LRP2: variants seen among roughly 807,000 people sequenced by gnomAD.
The protein encoded by LRP2 is LDL receptor related protein 2, also known as low-density lipoprotein receptor-related protein 2.
A neutral mutation model predicts 531.0 loss-of-function variants in LRP2; 172 were observed. The ratio of observed to expected loss-of-function variants is 0.32; its 90% CI spans 0.29 to 0.37. The LOEUF (loss-of-function observed/expected upper bound fraction) is 0.37. Among genes scored for constraint, LRP2 ranks in the 10% least tolerant of loss-of-function variants. The pLI is 1.00. For synonymous variants in LRP2, 1,992 were observed against 2,027.6 expected, an observed-to-expected ratio of 0.98 and a Z score of 0.47; for missense variants, 5,167 against 5,868.3, an observed-to-expected ratio of 0.88 and a Z score of 3.90.
chr2:169,356,432 A>G, intron 1 of LRP2, among the ~76,000 whole-genome samples: 1 of 152,228 alleles, frequency 6.6e-6, no homozygotes, highest in Non-Finnish European at 1.5e-5. Flanking sequence ...GGTAATAATG[A>G]TGAATGGAAA....
At chr2:169,140,845 T>C (rs1447022741) in intron 71 of LRP2, among the ~76,000 whole-genome samples, 5 of 152,232 alleles carry the variant, frequency 3.3e-5, no homozygotes, top group African/African-American at 1.2e-4. Context: ...AATAATCTCT[T>C]AAAATATTCA....
chr2:169,331,946 C>G (rs192672593), intron 1 of LRP2, among the ~76,000 whole-genome samples: 79 of 152,292 alleles, frequency 5.2e-4, no homozygotes, highest in African/African-American at 1.7e-3. Context: ...TTTAGAAAGG[C>G]AGCTTTCTTG....
chr2:169,140,672 C>A, intron 71 of LRP2, 127 bp from the exon 72 acceptor site: 1 of 673,644 alleles, frequency 1.5e-6, no homozygotes, highest in South Asian at 1.7e-5. Flanking sequence ...CCTGTCAAAG[C>A]TTACCTTCCC....
chr2:169,188,828 C>T (rs953837572), intron 48 of LRP2, among the ~76,000 whole-genome samples: 1 of 152,116 alleles, frequency 6.6e-6, no homozygotes, highest in Admixed American at 6.5e-5. Context: ...TCTAAGAACA[C>T]ATATCTTCCC....
At chr2:169,156,214 T>C in intron 65 of LRP2, 60 bp downstream of exon 65, 1 of 1,605,928 alleles carries the variant, frequency 6.2e-7, no homozygotes, top group South Asian at 1.1e-5. Context: ...CATCGTATAG[T>C]GTACTTAGCA....
chr2:169,280,520 CT>C lies in LRP2; in HGVS notation c.1172-2del. On this transcript the variant is annotated splice_acceptor_variant, in intron 10 of 78. Transcript: ENST00000649046. LOFTEE classifies it high-confidence loss of function. ...GAGAAGATAATGGAGGCCTCGCCAA[CT>C]AAATGCGAAGAAGGAAGGCATCACC... 1 of 1,613,992 alleles carries C rather than the reference CT, an allele frequency of 6.2e-7. No homozygotes were observed. The highest frequency in any genetic ancestry group is 8.5e-7 in the Non-Finnish European group (1 of 1,179,978).
chr2:169,247,329 T>C lies in LRP2; in HGVS notation c.2908+49A>G, dbSNP rs749831837. 1.3e-5 allele frequency: 21 copies of C among 1,602,460 alleles called. No individual in the cohort carries two copies. In the South Asian group the frequency reaches 2.0e-4, roughly 15 times the overall value. On this transcript the variant is annotated intron_variant, in intron 20 of 78. Transcript: ENST00000649046. The stretch of plus-strand genomic sequence containing the variant: ...AGAGAACAGGAGCCACTGTAACAAA[T>C]AAATAAACCCATACAAAAAAATAAA...
At chr2:169,257,670 T>C (rs1690358363) in intron 17 of LRP2, among the ~76,000 whole-genome samples, 2 of 152,192 alleles carry the variant, frequency 1.3e-5, no homozygotes, top group Admixed American at 1.3e-4. Context: ...CTAGTCATTC[T>C]TCCATAAGGA....
At chr2:169,238,841 C>G (rs1689700724) in intron 26 of LRP2, among the ~76,000 whole-genome samples, 1 of 152,124 alleles carries the variant, frequency 6.6e-6, no homozygotes, top group African/African-American at 2.4e-5. Flanking sequence ...TTGGAGTGAC[C>G]ACATGACTAA....
intron 4 of LRP2, among the ~76,000 whole-genome samples, chr2:169,300,771 G>T (rs953768860): frequency 2.0e-5 from 3 of 151,980 alleles, no homozygotes; most frequent in Non-Finnish European, 2.9e-5. Flanking sequence ...TTGGAGAGTC[G>T]CCTGCTTCTT....
intron 1 of LRP2, among the ~76,000 whole-genome samples, chr2:169,326,866 C>G (rs1293865658): frequency 1.3e-5 from 2 of 150,442 alleles, no homozygotes; most frequent in Non-Finnish European, 3.0e-5. Flanking sequence ...CTCTGCCCCG[C>G]CGCCCCGTCT....
intron 21 of LRP2, 128 bp from the exon 22 acceptor site, chr2:169,245,060 T>C: frequency 1.0e-6 from 1 of 972,982 alleles, no homozygotes; most frequent in South Asian, 1.4e-5. Flanking sequence ...GAAATGTTCA[T>C]CAAGTGATGT....
At chr2:169,237,627 G>A (rs536471020) in intron 27 of LRP2, among the ~76,000 whole-genome samples, 27 of 152,248 alleles carry the variant, frequency 1.8e-4, no homozygotes, top group Non-Finnish European at 2.5e-4. Flanking sequence ...TGCATGCAAC[G>A]AATAATATCT....
In LRP2 at chr2:169,138,634, C is replaced by T. The variant is rs1380874947; in HGVS notation, c.13461G>A (p.Met4487Ile). 6.2e-7 allele frequency: 1 copy of T among 1,613,994 alleles called. No individual in the cohort carries two copies. Among genetic ancestry groups the T allele is most frequent in the Non-Finnish European group, 8.5e-7 (1 of 1,179,904 alleles). The change falls in exon 75 of 79, where the codon ATG (methionine) becomes ATA (isoleucine). Residue 4487 changes from methionine (M) to isoleucine (I), a missense_variant. Physicochemically the swap from Met to Ile is conservative, Grantham distance 10 (BLOSUM62 1). This residue lies in a region of LRP2 where 348 missense variants were observed against 369.3 expected (regional missense o/e 0.94). Transcript: ENST00000649046. ...VTFRSGADLN[M>I]DIGVSGFGPE... is the part of the protein sequence containing the mutation. The stretch of plus-strand genomic sequence containing the variant: ...GTCCAAAACCAGACACTCCAATATC[C>T]ATGTTAAGATCTGCCCCTGATCTGA...
At chr2:169,139,148 C>A in intron 74 of LRP2, 103 bp downstream of exon 74, 1 of 1,532,452 alleles carries the variant, frequency 6.5e-7, no homozygotes. Context: ...CGGTGAACTG[C>A]GTATTGTGCT....
At chr2:169,298,241 G>C (rs985604961) in intron 4 of LRP2, among the ~76,000 whole-genome samples, 4 of 151,670 alleles carry the variant, frequency 2.6e-5, no homozygotes, top group African/African-American at 9.7e-5. Flanking sequence ...TCAATAACAT[G>C]TATTAAAAAC....
Position 169,162,626 on chromosome 2 carries a change from C to A in LRP2, c.11759-26G>T, listed in dbSNP as rs922902889. 9.3e-6 allele frequency: 15 copies of A among 1,613,324 alleles called. No individual in the cohort carries two copies. The East Asian group carries it at 2.2e-4, about 24-fold the overall frequency. ...CTGCAATGTAAAAACAAGTTAAAAT[C>A]AAAACTTTTTCTTTTATGAAGCAAG... On this transcript the variant is annotated intron_variant, in intron 62 of 78. Coordinates refer to ENST00000649046, the MANE Select transcript of LRP2 (RefSeq NM_004525.3).
chr2:169,313,006 G>A (rs1358337705), intron 3 of LRP2, among the ~76,000 whole-genome samples: 1 of 152,088 alleles, frequency 6.6e-6, no homozygotes, highest in Non-Finnish European at 1.5e-5. Context: ...GGCTATTGAC[G>A]CTTGTGCATG....
chr2:169,271,420 G>T (rs911616406), intron 15 of LRP2, among the ~76,000 whole-genome samples: 1 of 151,998 alleles, frequency 6.6e-6, no homozygotes, highest in African/African-American at 2.4e-5. Flanking sequence ...ATGTAATGAC[G>T]AGTTAACGGG....
Sources: allele counts gnomAD v4.1 joint callset (sites outside exome capture counted in the v4.1 genomes callset), GRCh38; gene constraint gnomAD v4.1.1; regional missense constraint gnomAD v4.1.1; transcripts MANE v1.5; gene names NCBI Gene and HGNC (gene_info 2026-07-23, HGNC 2026-07-21).